The following RASAL3 variants were observed in gnomAD, a reference collection of about 807,000 sequenced individuals.
The protein encoded by RASAL3 is RAS protein activator like 3, also known as RAS protein activator like-3.
A neutral mutation model predicts 105.5 loss-of-function variants in RASAL3; 74 were observed. The ratio of observed to expected loss-of-function variants is 0.70; its 90% CI spans 0.58 to 0.85. The LOEUF is 0.85. Ranked by LOEUF, RASAL3 falls within the 40% of genes least tolerant of loss-of-function variation. RASAL3 has a pLI of 0.00. For synonymous variants in RASAL3, 579 were observed against 591.6 expected, an observed-to-expected ratio of 0.98 and a Z score of 0.31; for missense variants, 1,352 against 1,392.0, an observed-to-expected ratio of 0.97 and a Z score of 0.46.
Position 15,454,542 on chromosome 19 carries a change from T to C in RASAL3, c.1979A>G (p.Tyr660Cys), listed in dbSNP as rs1244285695. The change falls in exon 13 of 18, where the codon TAC (tyrosine) becomes TGC (cysteine). Residue 660 changes from tyrosine (Y) to cysteine (C), a missense_variant. Physicochemically the swap from Tyr to Cys is radical, Grantham distance 194. This residue lies in a region of RASAL3 where 920 missense variants were observed against 919.6 expected (regional missense o/e 1.00). Coordinates refer to ENST00000343625, the MANE Select transcript of RASAL3 (RefSeq NM_022904.3). The part of the protein sequence containing the change: ...NRAPFGEKEA[Y>C]MGFMNSFLEE... ...CAGGAAGCTATTCATGAAGCCCATGTAGGCCTCCTTCTCACCGAACCTGGA... is the reference window on the plus strand; with the variant it reads ...CAGGAAGCTATTCATGAAGCCCATGCAGGCCTCCTTCTCACCGAACCTGGA... 6 of 1,613,656 alleles carry C rather than the reference T, an allele frequency of 3.7e-6. No homozygotes were observed. Among genetic ancestry groups the C allele is most frequent in the Non-Finnish European group, 5.1e-6 (6 of 1,179,770 alleles).
Position 15,461,588 on chromosome 19 carries a change from C to G in RASAL3, c.348G>C (p.Glu116Asp), listed in dbSNP as rs536246917. The change falls in exon 3 of 18, where the codon GAG becomes GAC. Residue 116 changes from glutamate to aspartate, a missense_variant. Around this residue, in one of 3 missense-constraint regions of RASAL3, gnomAD observed 344 missense variants for 339.6 expected, o/e 1.01. Transcript: ENST00000343625. ...QEAPELEPEP[E>D]LEPPTPQIPE... ...GGATCTGTGGGGTAGGGGGCTCCAGCTCTGGCTCCGGCTCCAGCTCTGGGA... is the reference window on the plus strand; with the variant it reads ...GGATCTGTGGGGTAGGGGGCTCCAGGTCTGGCTCCGGCTCCAGCTCTGGGA... 1.3e-6 allele frequency: 2 copies of G among 1,532,146 alleles called. No individual in the cohort carries two copies. The highest frequency in any genetic ancestry group is 1.7e-6 in the Non-Finnish European group (2 of 1,145,296). 94.9% of individuals were successfully genotyped at this position (1,532,146 alleles called of 1,614,324 possible).
chr19:15,451,713 G>A lies in RASAL3; in HGVS notation c.*82C>T. 6.7e-7 allele frequency: 1 copy of A among 1,491,384 alleles called. No homozygotes were observed. Among genetic ancestry groups the A allele is most frequent in the African/African-American group, 1.4e-5 (1 of 71,994 alleles). The allele number at this position is 1,491,384 out of a possible 1,614,324, so 92.4% of individuals were successfully genotyped here. A position where few individuals can be genotyped will look rare whatever the true frequency, so the allele number is the denominator to read the frequency against. On this transcript the variant is annotated 3_prime_UTR_variant, in exon 18 of 18. Transcript: ENST00000343625. ...CCACTCCCCACTGTAGGCCAAGTAG[G>A]GCTAAGGCAAAGTCAGACACCCCCC...
chr19:15,453,374 CCGTGGCCGGGCCCA>C lies in RASAL3; in HGVS notation c.2389_2402del (p.Trp797AlafsTer102). 1 of 1,456,562 alleles carries C rather than the reference CCGTGGCCGGGCCCA, an allele frequency of 6.9e-7. No individual in the cohort carries two copies. The highest frequency in any genetic ancestry group is 1.4e-5 in the South Asian group (1 of 72,628). The allele number at this position is 1,456,562 out of a possible 1,614,324, so 90.2% of individuals were successfully genotyped here. On this transcript the variant is annotated frameshift_variant, in exon 15 of 18. Coordinates refer to ENST00000343625, the MANE Select transcript of RASAL3 (RefSeq NM_022904.3). LOFTEE classifies it high-confidence loss of function. This position sits in a 1 kb window ranked among gnomAD's most constrained non-coding sequence, Gnocchi z 4.2. ...GCCGCAGGGGCCGCTCTTCGTCCGG[CCGTGGCCGGGCCCA>C]ACTCTCTGAGCGGCGAACGCTGCGC...
chr19:15,464,538 C>T lies in RASAL3; in HGVS notation c.-53G>A. 1.5e-6 allele frequency: 1 copy of T among 652,822 alleles called. No individual in the cohort carries two copies. Among genetic ancestry groups the T allele is most frequent in the African/African-American group, 1.8e-5 (1 of 54,962 alleles). 40.4% of individuals were successfully genotyped at this position (652,822 alleles called of 1,614,324 possible). On this transcript the variant is annotated 5_prime_UTR_variant, in exon 1 of 18. Coordinates refer to ENST00000343625, the MANE Select transcript of RASAL3 (RefSeq NM_022904.3). Reference sequence around the variant, plus strand: ...CCTGACCAGCCCCAGAATCAGCAGCCGTCTGCACCCCGCCTGGCTTCCTCC... The same window carrying T: ...CCTGACCAGCCCCAGAATCAGCAGCTGTCTGCACCCCGCCTGGCTTCCTCC...
rs776456987 is a variant in RASAL3, at chr19:15,461,041, C to T, written c.606+19G>A. Reference sequence around the variant, plus strand: ...TCTTGGCTCTCCCCTCTACCTCCCACCTTCACTGGCTGCCTTACCCGAACG... The same window carrying T: ...TCTTGGCTCTCCCCTCTACCTCCCATCTTCACTGGCTGCCTTACCCGAACG... On this transcript the variant is annotated intron_variant, in intron 5 of 17. Coordinates refer to ENST00000343625, the MANE Select transcript of RASAL3 (RefSeq NM_022904.3). The T allele has an allele frequency of 1.2e-6, 2 of 1,613,126 alleles. No homozygotes were observed. Among genetic ancestry groups the T allele is most frequent in the East Asian group, 2.2e-5 (1 of 44,878 alleles).
chr19:15,454,459 C>G lies in RASAL3; in HGVS notation c.2062G>C (p.Asp688His), dbSNP rs745561621. 2.5e-6 allele frequency: 4 copies of G among 1,614,032 alleles called. No individual in the cohort carries two copies. Among genetic ancestry groups the G allele is most frequent in the Non-Finnish European group, 3.4e-6 (4 of 1,179,890 alleles). ...CCCTGGTAACCACTGGGGGCAGCAT[C>G]CACATCCACCATGGCTACCTGGTCC... ...FLDQVAMVDV[D>H]AAPSGYQGSG... is the part of the protein sequence containing the mutation. Residue 688 changes from aspartate (D) to histidine (H), a missense_variant, in exon 13 of 18, where the codon GAT (aspartate) becomes CAT (histidine). Transcript: ENST00000343625.
chr19:15,451,698 C>G lies in RASAL3; in HGVS notation c.*97G>C. ...TTGGGACCAGCAGCTCCACTCCCCA[C>G]TGTAGGCCAAGTAGGGCTAAGGCAA... On this transcript the variant is annotated 3_prime_UTR_variant, in exon 18 of 18. Transcript: ENST00000343625. 1.4e-6 allele frequency: 2 copies of G among 1,403,062 alleles called. No homozygotes were observed. Among genetic ancestry groups the G allele is most frequent in the Non-Finnish European group, 1.9e-6 (2 of 1,030,406 alleles). 86.9% of individuals were successfully genotyped at this position (1,403,062 alleles called of 1,614,324 possible). A position where few individuals can be genotyped will look rare whatever the true frequency, so the allele number is the denominator to read the frequency against.
intron 16 of RASAL3, 59 bp from the exon 17 acceptor site, chr19:15,452,167 C>T (rs1970171366): frequency 1.9e-6 from 3 of 1,579,398 alleles, no homozygotes; most frequent in East Asian, 2.2e-5. Context: ...CTTCCAGCTC[C>T]TGGTGGGAGT....
chr19:15,453,433 T>C lies in RASAL3; in HGVS notation c.2344A>G (p.Ile782Val). The change falls in exon 15 of 18, where the codon ATC (isoleucine) becomes GTC (valine). Residue 782 changes from isoleucine (I) to valine (V), a missense_variant. Ile to Val is a conservative substitution (Grantham distance 29). Coordinates refer to ENST00000343625, the MANE Select transcript of RASAL3 (RefSeq NM_022904.3). This position sits in a 1 kb window ranked among gnomAD's most constrained non-coding sequence, Gnocchi z 4.2. ...PRDLPKHTPL[I>V]SKSQSLRSVR... ...CTGCGCAGAGACTGGCTCTTGGAGA[T>C]GAGAGGGGTGTGCTTGGGGAGGTCC... 6.5e-7 allele frequency: 1 copy of C among 1,538,044 alleles called. No individual in the cohort carries two copies. The highest frequency in any genetic ancestry group is 8.7e-7 in the Non-Finnish European group (1 of 1,154,106).
intron 7 of RASAL3, 38 bp from the exon 8 acceptor site, chr19:15,458,464 A>G: frequency 6.2e-7 from 1 of 1,613,524 alleles, no homozygotes; most frequent in Non-Finnish European, 8.5e-7. Flanking sequence ...GATCGAGGCC[A>G]AGGGTGAAGC....
At position 15,453,090 on chromosome 19, in the gene RASAL3, C is replaced by T; in HGVS notation, c.2670+17G>A. 1 of 1,613,026 alleles carries T rather than the reference C, an allele frequency of 6.2e-7. No homozygotes were observed. Among genetic ancestry groups the T allele is most frequent in the Non-Finnish European group, 8.5e-7 (1 of 1,179,662 alleles). On this transcript the variant is annotated intron_variant, in intron 15 of 17. Transcript: ENST00000343625. This position sits in a 1 kb window ranked among gnomAD's most constrained non-coding sequence, Gnocchi z 4.2. ...CCTGTTCCCACTCCCCAGGCGCGGA[C>T]CTGGGCCTGACCTTACCTTGTTCAC... is the stretch of plus-strand genomic sequence containing the variant.
Position 15,461,874 on chromosome 19 carries a change from G to A in RASAL3, c.329-267C>T, listed in dbSNP as rs1484778137. On this transcript the variant is annotated intron_variant, in intron 2 of 17. Transcript: ENST00000343625. ...CCTTCTTGCATTGAATCCTCCAAAA[G>A]CCATTCAAAGGGCTATGATAACAGG... Among the ~76,000 whole-genome samples the A allele has an allele frequency of 2.0e-5, 3 of 152,292 alleles. No homozygotes were observed. The East Asian group carries it at 5.8e-4, about 29-fold the overall frequency.
rs1178164178 is a variant in RASAL3, at chr19:15,454,711, G to A, written c.1904C>T (p.Ala635Val). 3.7e-6 allele frequency: 6 copies of A among 1,611,148 alleles called. No homozygotes were observed. Among genetic ancestry groups the A allele is most frequent in the Non-Finnish European group, 3.4e-6 (4 of 1,178,642 alleles). The change falls in exon 12 of 18, where the codon GCC becomes GTC. Residue 635 changes from alanine (A) to valine (V), a missense_variant. This residue lies in a region of RASAL3 where 920 missense variants were observed against 919.6 expected (regional missense o/e 1.00). Transcript: ENST00000343625. ...CTTGGCAATCAGTGTGAGGGTGCGG[G>A]CTGGGCCGGGTGCTGGATGGTCTGG... Reference protein sequence around the residue: ...LAPDHPAPGPARTLTLIAKVI... With the variant: ...LAPDHPAPGPVRTLTLIAKVI...
rs1053138661 is a variant in RASAL3 at position 15,452,204 on chromosome 19, G to A, written c.2829-96C>T. 2.1e-5 allele frequency: 26 copies of A among 1,242,192 alleles called. 1 individual carries two copies. In the South Asian group the frequency reaches 3.1e-4, roughly 15 times the overall value. The allele number at this position is 1,242,192 out of a possible 1,614,324, so 76.9% of individuals were successfully genotyped here. The stretch of plus-strand genomic sequence containing the variant: ...CCAGGGACTCCGGGGGCGGAGCTTG[G>A]AGTGGAGGCGGAGCTTGTCCAGACT... On this transcript the variant is annotated intron_variant, in intron 16 of 17. Coordinates refer to ENST00000343625, the MANE Select transcript of RASAL3 (RefSeq NM_022904.3).
Position 15,456,562 on chromosome 19 carries a change from T to C in RASAL3, c.1516A>G (p.Thr506Ala). The change falls in exon 10 of 18, where the codon ACC becomes GCC. Residue 506 changes from threonine (T) to alanine (A), a missense_variant. This residue lies in a region of RASAL3 where 920 missense variants were observed against 919.6 expected (regional missense o/e 1.00). Coordinates refer to ENST00000343625, the MANE Select transcript of RASAL3 (RefSeq NM_022904.3). The surrounding 1 kb of genome is among the most constrained non-coding windows in gnomAD (Gnocchi z 4.4). Reference protein sequence around the residue: ...ALLFRENTLATKAIDEYMKLV... With the variant: ...ALLFRENTLAAKAIDEYMKLV... ...TTCATGTACTCATCGATAGCCTTGG[T>C]GGCCAATGTGTTTTCCCGGAACAGC... 1 of 1,613,814 alleles carries C rather than the reference T, an allele frequency of 6.2e-7. No individual in the cohort carries two copies. The highest frequency in any genetic ancestry group is 1.3e-5 in the African/African-American group (1 of 75,052).
Position 15,457,052 on chromosome 19 carries a change from G to T in RASAL3, c.1431+240C>A, listed in dbSNP as rs948820861. The stretch of plus-strand genomic sequence containing the variant: ...CCAGCCCCTCACAGCTGACGCTCAG[G>T]TCCCGCCCTTCAAGGTGCCCCGCCC... On this transcript the variant is annotated intron_variant, in intron 9 of 17. Coordinates refer to ENST00000343625, the MANE Select transcript of RASAL3 (RefSeq NM_022904.3). The surrounding 1 kb of genome is among the most constrained non-coding windows in gnomAD (Gnocchi z 8.6). Among the ~76,000 whole-genome samples, 1 of 150,580 alleles carries T rather than the reference G, an allele frequency of 6.6e-6. No individual in the cohort carries two copies. The highest frequency in any genetic ancestry group is 1.5e-5 in the Non-Finnish European group (1 of 67,554).
chr19:15,462,315 C>T lies in RASAL3; in HGVS notation c.329-708G>A, dbSNP rs529294311. ...CAGCCTGACCAACATGGAGAAACCC[C>T]GTCTCTACTAAAAATACAAAATTAG... On this transcript the variant is annotated intron_variant, in intron 2 of 17. Coordinates refer to ENST00000343625, the MANE Select transcript of RASAL3 (RefSeq NM_022904.3). 3.3e-5 allele frequency among the ~76,000 whole-genome samples: 5 copies of T among 151,936 alleles called. No individual in the cohort carries two copies. In the East Asian group the frequency reaches 5.9e-4, roughly 18 times the overall value.
intron 8 of RASAL3, chr19:15,458,127 G>C (rs1018298807): frequency 6.3e-6 from 4 of 638,470 alleles, no homozygotes; most frequent in Middle Eastern, 4.2e-4. Context: ...ATGGGGCCGG[G>C]AGTGGACAGA....
At chr19:15,452,181 A>C in intron 16 of RASAL3, 73 bp from the exon 17 acceptor site, 4 of 1,499,246 alleles carry the variant, frequency 2.7e-6, no homozygotes, top group Non-Finnish European at 3.7e-6. Flanking sequence ...TGGGAGTGCC[A>C]GGGACTCCGG....
Sources: allele counts gnomAD v4.1 joint callset (sites outside exome capture counted in the v4.1 genomes callset), GRCh38; gene constraint gnomAD v4.1.1; regional missense constraint gnomAD v4.1.1; non-coding constraint Gnocchi (gnomAD v3.1); transcripts MANE v1.5; gene names NCBI Gene and HGNC (gene_info 2026-07-23, HGNC 2026-07-21).